The following GALNTL6 variants were observed in gnomAD, a reference collection of about 807,000 sequenced individuals.
The protein encoded by GALNTL6 is polypeptide N-acetylgalactosaminyltransferase-like 6.
In GALNTL6, 46 loss-of-function variants were observed where a neutral mutation model predicts 73.7. The observed-to-expected ratio is 0.62, with a 90% CI of 0.49 to 0.80. GALNTL6 has a LOEUF of 0.80. Ranked by LOEUF, GALNTL6 falls within the 30% of genes least tolerant of loss-of-function variation. The pLI, the probability that GALNTL6 is intolerant of heterozygous loss-of-function variation, is 0.00. For synonymous variants in GALNTL6, 259 were observed against 263.7 expected (o/e 0.98, Z 0.17); for missense variants, 604 against 755.0 (o/e 0.80, Z 2.34).
chr4:171,855,683 G>A (rs1029056459), intron 2 of GALNTL6, among the ~76,000 whole-genome samples: 2 of 151,476 alleles, frequency 1.3e-5, no homozygotes, highest in Admixed American at 6.6e-5. Flanking sequence ...TGTAAGAAAC[G>A]GCCAAACTAT....
chr4:172,369,375 G>A (rs1219555870), intron 5 of GALNTL6, among the ~76,000 whole-genome samples: 2 of 152,210 alleles, frequency 1.3e-5, no homozygotes, highest in African/African-American at 4.8e-5. Flanking sequence ...AGACATAAAA[G>A]TTCTCAAAGT....
intron 3 of GALNTL6, among the ~76,000 whole-genome samples, chr4:172,229,985 A>C (rs573001764): frequency 1.3e-5 from 2 of 152,302 alleles, no homozygotes; most frequent in South Asian, 4.1e-4. Flanking sequence ...AGTCATTAAA[A>C]TTTAAGAAAT....
At chr4:171,872,560 C>T (rs557124660) in intron 2 of GALNTL6, among the ~76,000 whole-genome samples, 4 of 152,270 alleles carry the variant, frequency 2.6e-5, no homozygotes, top group South Asian at 4.1e-4. Flanking sequence ...TATTGTCTCA[C>T]AGTTCTGAAG....
At chr4:173,015,185 C>T (rs1201481149) in intron 11 of GALNTL6, among the ~76,000 whole-genome samples, 2 of 152,198 alleles carry the variant, frequency 1.3e-5, no homozygotes, top group Admixed American at 6.5e-5. Flanking sequence ...AAACATCTCT[C>T]ATTTATAATT....
At chr4:172,933,671 A>G (rs1479446115) in intron 9 of GALNTL6, among the ~76,000 whole-genome samples, 2 of 152,204 alleles carry the variant, frequency 1.3e-5, no homozygotes, top group Non-Finnish European at 2.9e-5. Context: ...ATTAAAATGA[A>G]AAACAATTCT....
intron 5 of GALNTL6, among the ~76,000 whole-genome samples, chr4:172,653,591 T>C (rs915645899): frequency 6.6e-6 from 1 of 152,142 alleles, no homozygotes; most frequent in Non-Finnish European, 1.5e-5. Flanking sequence ...TCTGCTTCTC[T>C]ATATCCGAAG....
intron 8 of GALNTL6, among the ~76,000 whole-genome samples, chr4:172,899,392 C>T (rs931733988): frequency 2.6e-5 from 4 of 152,142 alleles, no homozygotes; most frequent in Non-Finnish European, 5.9e-5. Context: ...ATCACTCAAA[C>T]GTATCTAACG....
rs534099729 is a variant in GALNTL6 at position 172,314,837 on chromosome 4, T to C, written c.386+3085T>C. Among the ~76,000 whole-genome samples, 68 of 152,220 alleles carry C rather than the reference T, an allele frequency of 4.5e-4. No homozygotes were observed. In the East Asian group the frequency reaches 0.012, roughly 26 times the overall value. ...GTTGGCCAGGCTGGTCTCAAACTCC[T>C]GAACTCAGGTGATCCGCCTGCCTCG... On this transcript the variant is annotated intron_variant, in intron 4 of 12. Transcript: ENST00000506823.
chr4:172,241,629 G>C (rs1435455561), intron 3 of GALNTL6, among the ~76,000 whole-genome samples: 4 of 152,142 alleles, frequency 2.6e-5, no homozygotes, highest in Non-Finnish European at 4.4e-5. Context: ...AACATTGCAG[G>C]ACCAGGAAGG....
chr4:172,737,934 G>T (rs558374841), intron 5 of GALNTL6, among the ~76,000 whole-genome samples: 1 of 152,146 alleles, frequency 6.6e-6, no homozygotes, highest in Non-Finnish European at 1.5e-5. Context: ...TTGGCTAGGG[G>T]ATTATAAAGA....
intron 5 of GALNTL6, among the ~76,000 whole-genome samples, chr4:172,499,196 A>C (rs1476195220): frequency 6.6e-6 from 1 of 152,170 alleles, no homozygotes; most frequent in Non-Finnish European, 1.5e-5. Context: ...CATATGTTGA[A>C]GCTTCAATCC....
At chr4:172,514,937 C>T (rs1183414732) in intron 5 of GALNTL6, among the ~76,000 whole-genome samples, 1 of 152,220 alleles carries the variant, frequency 6.6e-6, no homozygotes, top group African/African-American at 2.4e-5. Context: ...ACCTTGGACA[C>T]TCCCAGTTTT....
intron 5 of GALNTL6, among the ~76,000 whole-genome samples, chr4:172,660,156 G>A (rs1175446070): frequency 1.3e-5 from 2 of 152,178 alleles, no homozygotes; most frequent in Admixed American, 1.3e-4. Flanking sequence ...AGATCACAAA[G>A]TTAGTGTAAA....
chr4:172,040,991 A>G (rs1366694962), intron 2 of GALNTL6, among the ~76,000 whole-genome samples: 2 of 152,106 alleles, frequency 1.3e-5, no homozygotes, highest in African/African-American at 2.4e-5. Flanking sequence ...TTCATTGTTT[A>G]TACAATCATT....
intron 2 of GALNTL6, among the ~76,000 whole-genome samples, chr4:172,130,384 A>T (rs920673460): frequency 2.0e-5 from 3 of 152,022 alleles, no homozygotes; most frequent in Admixed American, 6.6e-5. Context: ...GGTAATCTGT[A>T]AAAAGATAAT....
chr4:172,861,318 CATGTGTGTGTGT>C (rs1237406449), intron 7 of GALNTL6, among the ~76,000 whole-genome samples: 7 of 140,774 alleles, frequency 5.0e-5, no homozygotes, highest in East Asian at 2.0e-4. Flanking sequence ...TTTTTGCTTA[CATGTGTGTGTGT>C]GTGTGTGTGT....
intron 3 of GALNTL6, among the ~76,000 whole-genome samples, chr4:172,305,870 T>C (rs1740112641): frequency 6.6e-6 from 1 of 152,184 alleles, no homozygotes; most frequent in Admixed American, 6.5e-5. Flanking sequence ...AAAAGCTTTA[T>C]CTCATGAGAT....
chr4:172,158,628 T>A (rs1173712536), intron 2 of GALNTL6, among the ~76,000 whole-genome samples: 3 of 152,192 alleles, frequency 2.0e-5, no homozygotes, highest in Non-Finnish European at 4.4e-5. Context: ...ATGAACAGAA[T>A]TTTATGAGAC....
chr4:172,008,651 T>C (rs1740906725), intron 2 of GALNTL6, among the ~76,000 whole-genome samples: 1 of 152,106 alleles, frequency 6.6e-6, no homozygotes, highest in Non-Finnish European at 1.5e-5. Flanking sequence ...TCAAAACCGT[T>C]TTGTTTCCAC....
Sources: allele counts gnomAD v4.1 joint callset (sites outside exome capture counted in the v4.1 genomes callset), GRCh38; gene constraint gnomAD v4.1.1; transcripts MANE v1.5; gene names NCBI Gene and HGNC (gene_info 2026-07-23, HGNC 2026-07-21).